Variants in FOXP4 observed in about 807,000 individuals in gnomAD.
FOXP4 encodes forkhead box P4.
A neutral mutation model predicts 82.6 loss-of-function variants in FOXP4; 25 were observed. That is an observed-to-expected ratio of 0.30 (90% CI 0.22 to 0.42). The LOEUF is 0.42. FOXP4 is among the 10% of genes least tolerant of loss of function. The pLI is 1.00. For synonymous variants in FOXP4, 415 were observed against 388.2 expected, an observed-to-expected ratio of 1.07 and a Z score of -0.81; for missense variants, 785 against 900.9, an observed-to-expected ratio of 0.87 and a Z score of 1.65.
At chr6:41,566,113 T>C in intron 2 of FOXP4, 149 bp downstream of exon 2, 1 of 814,790 alleles carries the variant, frequency 1.2e-6, no homozygotes, top group Non-Finnish European at 1.8e-6. Context: ...GGACTCCCTG[T>C]CCACCCACCC....
chr6:41,561,721 C>T (rs1457105803), intron 1 of FOXP4, among the ~76,000 whole-genome samples: 1 of 152,194 alleles, frequency 6.6e-6, no homozygotes, highest in Admixed American at 6.5e-5. Context: ...TCCAGCAGAC[C>T]GACCATCAGT....
chr6:41,590,742 A>G (rs775951764), intron 12 of FOXP4, among the ~76,000 whole-genome samples: 1 of 152,156 alleles, frequency 6.6e-6, no homozygotes, highest in Non-Finnish European at 1.5e-5. Context: ...ATGAACTTAC[A>G]TCGACACATA....
intron 16 of FOXP4, 109 bp downstream of exon 16, chr6:41,598,059 T>G: frequency 1.3e-6 from 1 of 789,446 alleles, no homozygotes; most frequent in South Asian, 2.0e-5. Context: ...CCACCACGCC[T>G]CTCCCCAGGA....
At chr6:41,572,253 T>G (rs887195504) in intron 2 of FOXP4, among the ~76,000 whole-genome samples, 1 of 152,106 alleles carries the variant, frequency 6.6e-6, no homozygotes, top group Non-Finnish European at 1.5e-5. Flanking sequence ...AAGAGTTGCC[T>G]CCTCCTGATG....
At chr6:41,592,713 CTTCT>C (rs974086555) in intron 13 of FOXP4, among the ~76,000 whole-genome samples, 2 of 152,104 alleles carry the variant, frequency 1.3e-5, no homozygotes, top group Non-Finnish European at 2.9e-5. Context: ...TCCTTCCTTC[CTTCT>C]GTCTTACCTG....
intron 3 of FOXP4, 146 bp from the exon 4 acceptor site, chr6:41,584,623 G>A (rs866066560): frequency 1.1e-6 from 1 of 909,604 alleles, no homozygotes; most frequent in Non-Finnish European, 1.6e-6. Context: ...TCCAAAGAGA[G>A]AGACAGCCAG....
chr6:41,598,611 G>C (rs897181455), intron 16 of FOXP4, 178 bp from the exon 17 acceptor site: 1 of 860,294 alleles, frequency 1.2e-6, no homozygotes, highest in Non-Finnish European at 1.8e-6. Flanking sequence ...TCTGCCCCAG[G>C]ACCAGCTTTT....
At chr6:41,586,964 G>A in intron 5 of FOXP4, 45 bp from the exon 6 acceptor site, 1 of 1,535,822 alleles carries the variant, frequency 6.5e-7, no homozygotes, top group Non-Finnish European at 8.8e-7. Context: ...CATGCCTGAA[G>A]CTGATGGCAC....
Position 41,598,858 on chromosome 6 carries a change from C to G in FOXP4, c.1965C>G (p.Gly655=), listed in dbSNP as rs144782444. 1 of 1,592,036 alleles carries G rather than the reference C, an allele frequency of 6.3e-7. No homozygotes were observed. Among genetic ancestry groups the G allele is most frequent in the South Asian group, 1.1e-5 (1 of 87,222 alleles). Residue 655 remains glycine (G), a synonymous_variant, in exon 17 of 17, where the codon GGC becomes GGG. Transcript: ENST00000307972. The part of the protein sequence containing the change: ...EEDRQPGPPL[G]APNPSASGPP... ...ACAGGCAGCCCGGGCCTCCCCTGGGCGCCCCTAACCCCAGCGCCTCGGGGC... is the reference window on the plus strand; with the variant it reads ...ACAGGCAGCCCGGGCCTCCCCTGGGGGCCCCTAACCCCAGCGCCTCGGGGC...
rs776414421 is a variant in FOXP4 at position 41,587,829 on chromosome 6, G to T, written c.909G>T (p.Leu303=). 129 of 1,571,342 alleles carry T rather than the reference G, an allele frequency of 8.2e-5. No individual in the cohort carries two copies. The highest frequency in any genetic ancestry group is 1.0e-4 in the Non-Finnish European group (120 of 1,156,742). ...AGGAGACCCCCGGCTCCCACCCCCT[G>T]TACGGACACGGAGAGTGCAAGTGGC... ...SHEETPGSHP[L]YGHGECKWPG... The change falls in exon 8 of 17, where the codon CTG becomes CTT. Residue 303 remains leucine, a synonymous_variant. Transcript: ENST00000307972.
intron 4 of FOXP4, 63 bp downstream of exon 4, chr6:41,584,954 G>A (rs1766020017): frequency 3.3e-6 from 5 of 1,518,268 alleles, no homozygotes; most frequent in Middle Eastern, 1.9e-4. Flanking sequence ...CTCCCACCCT[G>A]TTTACACCTC....
intron 2 of FOXP4, among the ~76,000 whole-genome samples, chr6:41,572,178 C>G (rs757632248): frequency 6.6e-6 from 1 of 152,170 alleles, no homozygotes; most frequent in Non-Finnish European, 1.5e-5. Flanking sequence ...TCATAATGCA[C>G]CCAGCTTTTC....
At position 41,599,674 on chromosome 6, in the gene FOXP4, C is replaced by G. The variant is rs956753339; in HGVS notation, c.*738C>G. ...GCCCCCATGGGAAGAGGCCTGGTAC[C>G]GCCTCACCCACAGAGGTCTGTGCCA... On this transcript the variant is annotated 3_prime_UTR_variant, in exon 17 of 17. Coordinates refer to ENST00000307972, the MANE Select transcript of FOXP4 (RefSeq NM_001012426.2). 1 of 152,370 alleles carries G rather than the reference C, an allele frequency of 6.6e-6. No individual in the cohort carries two copies. The highest frequency in any genetic ancestry group is 2.4e-5 in the African/African-American group (1 of 41,430). The allele number at this position is 152,370 out of a possible 1,614,324, so 9.4% of individuals were successfully genotyped here.
At chr6:41,597,140 ATGAG>A (rs1766891357) in intron 14 of FOXP4, 32 bp from the exon 15 acceptor site, 2 of 1,607,226 alleles carry the variant, frequency 1.2e-6, no homozygotes, top group Non-Finnish European at 1.7e-6. Flanking sequence ...AGCTAAGTGA[ATGAG>A]TGAGCCAAAG....
At chr6:41,580,233 TTTTTAGTAGG>T (rs1562031667) in intron 3 of FOXP4, among the ~76,000 whole-genome samples, 1 of 152,058 alleles carries the variant, frequency 6.6e-6, no homozygotes, top group Non-Finnish European at 1.5e-5. Flanking sequence ...TAGGGTTGTA[TTTTTAGTAGG>T]TTTTAGTAGC....
chr6:41,598,912 G>A lies in FOXP4; in HGVS notation c.2019G>A (p.Glu673=). 1 of 1,608,184 alleles carries A rather than the reference G, an allele frequency of 6.2e-7. No homozygotes were observed. Among genetic ancestry groups the A allele is most frequent in the Non-Finnish European group, 8.5e-7 (1 of 1,178,302 alleles). Reference sequence around the variant, plus strand: ...CGGAAGACAGGGACCTGGAGGAGGAGCTGCCGGGAGAAGAACTGTCCTAAG... The same window carrying A: ...CGGAAGACAGGGACCTGGAGGAGGAACTGCCGGGAGAAGAACTGTCCTAAG... ...GPPEDRDLEE[E]LPGEELS Residue 673 remains glutamate, a synonymous_variant, in exon 17 of 17, where the codon GAG becomes GAA. Coordinates refer to ENST00000307972, the MANE Select transcript of FOXP4 (RefSeq NM_001012426.2).
At chr6:41,554,787 G>C (rs948524720) in intron 1 of FOXP4, among the ~76,000 whole-genome samples, 3 of 152,080 alleles carry the variant, frequency 2.0e-5, no homozygotes, top group African/African-American at 7.2e-5. Flanking sequence ...TTGAACCCGG[G>C]AGGCGGAGGT....
chr6:41,583,945 C>T (rs1039521813), intron 3 of FOXP4, among the ~76,000 whole-genome samples: 1 of 152,198 alleles, frequency 6.6e-6, no homozygotes, highest in Non-Finnish European at 1.5e-5. Context: ...AAGGAATCAT[C>T]TCTTACAGCA....
chr6:41,597,502 C>A (rs1234800487), intron 15 of FOXP4, among the ~76,000 whole-genome samples: 7 of 152,166 alleles, frequency 4.6e-5, no homozygotes, highest in Non-Finnish European at 8.8e-5. Context: ...GTTTGTCAGT[C>A]TGGGGGTTCT....
Sources: gnomAD v4.1 joint callset for allele counts (sites outside exome capture counted in the v4.1 genomes callset) on GRCh38, gnomAD v4.1.1 for gene constraint, MANE v1.5 for transcripts, NCBI Gene and HGNC (gene_info 2026-07-23, HGNC 2026-07-21) for gene names.